Variants in CGA observed in about 807,000 individuals in gnomAD.
CGA encodes glycoprotein hormones, alpha polypeptide, also known as glycoprotein hormones alpha chain.
In CGA, 4 loss-of-function variants were observed where a neutral mutation model predicts 12.0. That is an observed-to-expected ratio of 0.33 (90% CI 0.16 to 0.76). The LOEUF (loss-of-function observed/expected upper bound fraction) is 0.76, where lower values mean the gene tolerates loss of function less well. CGA is among the 30% of genes least tolerant of loss of function. The probability of loss-of-function intolerance (pLI) is 0.60; values close to 1 mark genes in which losing one functional copy is unlikely to be tolerated. For missense variants in CGA, 102 were observed against 143.5 expected (o/e 0.71, Z 1.48); for synonymous variants, 60 against 56.6 (o/e 1.06, Z -0.27).
intron 2 of CGA, 108 bp from the exon 3 acceptor site, chr6:87,086,542 C>G: frequency 9.6e-7 from 1 of 1,045,128 alleles, no homozygotes; most frequent in African/African-American, 1.6e-5. Context: ...TTTGGGAGGC[C>G]TTAGTGGGTG....
At chr6:87,085,875 T>C in intron 3 of CGA, 42 bp from the exon 4 acceptor site, 2 of 1,233,198 alleles carry the variant, frequency 1.6e-6, no homozygotes, top group Non-Finnish European at 1.2e-6. Flanking sequence ...GATTAGATGA[T>C]AGATAGATAG....
Position 87,088,189 on chromosome 6 carries a change from G to A in CGA, c.12C>T (p.Tyr4=), listed in dbSNP as rs1290919830. The change falls in exon 2 of 4, where the codon TAC becomes TAT. Residue 4 remains tyrosine (Y), a synonymous_variant. Transcript: ENST00000627148. ...CCAGAAAGATAGCTGCATATTTTCT[G>A]TAGTAATCCATGGCGCTCCTGCAGA... MDY[Y]RKYAAIFLVT... 6 of 1,499,950 alleles carry A rather than the reference G, an allele frequency of 4.0e-6. No homozygotes were observed. Among genetic ancestry groups the A allele is most frequent in the Non-Finnish European group, 5.4e-6 (6 of 1,106,984 alleles). 92.9% of individuals were successfully genotyped at this position (1,499,950 alleles called of 1,614,324 possible).
rs535291972 is a variant in CGA, at chr6:87,085,963, C to T, written c.274-130G>A. 7.9e-5 allele frequency: 58 copies of T among 737,224 alleles called. No individual in the cohort carries two copies. The East Asian group carries it at 1.6e-3, about 20-fold the overall frequency. 45.7% of individuals were successfully genotyped at this position (737,224 alleles called of 1,614,324 possible). The stretch of plus-strand genomic sequence containing the variant: ...TAAGTAGATGCATACTACATTTGCA[C>T]AGTCTCCTTTTTAGGAAATATTTTT... On this transcript the variant is annotated intron_variant, in intron 3 of 3. Transcript: ENST00000627148.
intron 1 of CGA, among the ~76,000 whole-genome samples, chr6:87,092,902 C>G (rs1021225130): frequency 2.0e-4 from 31 of 151,948 alleles, no homozygotes; most frequent in African/African-American, 7.3e-4. Context: ...AGTGTGCCAG[C>G]AAGCCCGGCT....
intron 1 of CGA, among the ~76,000 whole-genome samples, chr6:87,088,678 T>C (rs905703964): frequency 6.6e-6 from 1 of 152,040 alleles, no homozygotes; most frequent in African/African-American, 2.4e-5. Context: ...ATTAAGGAAA[T>C]GCAAATTAAA....
In CGA at chr6:87,093,340, T is replaced by C. The variant is rs565799156; in HGVS notation, c.-8+1673A>G. 2.6e-5 allele frequency among the ~76,000 whole-genome samples: 4 copies of C among 152,334 alleles called. No individual in the cohort carries two copies. In the South Asian group the frequency reaches 8.3e-4, roughly 32 times the overall value. Reference sequence around the variant, plus strand: ...TCTAATTTGATTTCTAACATTGTTATTGATTCTACCCCTAAGTGCCCCACC... The same window carrying C: ...TCTAATTTGATTTCTAACATTGTTACTGATTCTACCCCTAAGTGCCCCACC... On this transcript the variant is annotated intron_variant, in intron 1 of 3. Coordinates refer to ENST00000627148, the MANE Select transcript of CGA (RefSeq NM_000735.4).
At chr6:87,085,908 T>C (rs746839263) in intron 3 of CGA, 75 bp from the exon 4 acceptor site, 39 of 1,015,724 alleles carry the variant, frequency 3.8e-5, no homozygotes, top group Non-Finnish European at 5.8e-5. Context: ...TTGAAGAATA[T>C]TACATAAAAT....
intron 1 of CGA, among the ~76,000 whole-genome samples, chr6:87,092,414 G>T (rs538715032): frequency 6.0e-4 from 92 of 152,190 alleles, no homozygotes; most frequent in African/African-American, 2.1e-3. Context: ...CTTAGAAGCC[G>T]AGGTGGGAGG....
Position 87,086,307 on chromosome 6 carries a change from C to T in CGA, c.216G>A (p.Leu72=). The part of the protein sequence containing the change: ...PTPLRSKKTM[L]VQKNVTSEST... ...ACTCTGAGGTGACGTTCTTTTGGAC[C>T]AACATCGTCTTCTTGGACCTTAGTG... Residue 72 remains leucine, a synonymous_variant, in exon 3 of 4, where the codon TTG becomes TTA. Coordinates refer to ENST00000627148, the MANE Select transcript of CGA (RefSeq NM_000735.4). The T allele has an allele frequency of 6.2e-7, 1 of 1,613,978 alleles. No homozygotes were observed. Among genetic ancestry groups the T allele is most frequent in the Non-Finnish European group, 8.5e-7 (1 of 1,179,978 alleles).
rs771573898 is a variant in CGA, at chr6:87,088,108, C to T, written c.88+5G>A. 6 of 1,583,510 alleles carry T rather than the reference C, an allele frequency of 3.8e-6. No individual in the cohort carries two copies. The highest frequency in any genetic ancestry group is 1.2e-5 in the South Asian group (1 of 86,894). On this transcript the variant is annotated splice_donor_5th_base_variant and intron_variant, in intron 2 of 3. Transcript: ENST00000627148. ...ATTACTTGAACCACAAATTTGGTCA[C>T]GCACCCTGCACATCAGGAGCGGAAT... is the stretch of plus-strand genomic sequence containing the variant.
chr6:87,088,958 A>G (rs1046077760), intron 1 of CGA: 2 of 152,216 alleles, frequency 1.3e-5, no homozygotes, highest in Non-Finnish European at 2.9e-5. Flanking sequence ...TATTCATAGA[A>G]ACTTTGTTTA....
rs147883019 is a variant in CGA, at chr6:87,090,637, A to ATTTTTTTTTTTTTTTTTTTTTTTTTTTT, written c.-7-2431_-7-2430insAAAAAAAAAAAAAAAAAAAAAAAAAAAA. Among the ~76,000 whole-genome samples the ATTTTTTTTTTTTTTTTTTTTTTTTTTTT allele has an allele frequency of 1.0e-4, 13 of 124,832 alleles. 1 individual carries two copies. The highest frequency in any genetic ancestry group is 1.3e-4 in the Non-Finnish European group (8 of 59,660). The allele number at this position is 124,832 out of a possible 152,430, so 81.9% of individuals were successfully genotyped here. A position where few individuals can be genotyped will look rare whatever the true frequency, so the allele number is the denominator to read the frequency against. On this transcript the variant is annotated intron_variant, in intron 1 of 3. Coordinates refer to ENST00000627148, the MANE Select transcript of CGA (RefSeq NM_000735.4). ...TAGAAGCTCTTTGGGCTCTTCAATA[A>ATTTTTTTTTTTTTTTTTTTTTTTTTTTT]TTTTTTTTTTGTTTTTTTGAGATTG...
chr6:87,094,866 A>T lies in CGA; in HGVS notation c.-8+147T>A, dbSNP rs1175047810. On this transcript the variant is annotated intron_variant, in intron 1 of 3. Transcript: ENST00000627148. ...GCCAAATTTTACAGACTTCCTTCTAATTCAATCATAAGTGCTGAAAAGAGA... is the reference window on the plus strand; with the variant it reads ...GCCAAATTTTACAGACTTCCTTCTATTTCAATCATAAGTGCTGAAAAGAGA... 3 of 152,176 alleles carry T rather than the reference A, an allele frequency of 2.0e-5. No individual in the cohort carries two copies. In the East Asian group the frequency reaches 5.8e-4, roughly 29 times the overall value. 9.4% of individuals were successfully genotyped at this position (152,176 alleles called of 1,614,324 possible).
In CGA at chr6:87,086,239, G is replaced by C; in HGVS notation, c.273+11C>G. On this transcript the variant is annotated intron_variant, in intron 3 of 3. Transcript: ENST00000627148. ...CTGTTAGAAAGCTTCTGGGGATCTT[G>C]AGGTTCTTACCCTGTTATATGATTT... The C allele has an allele frequency of 6.2e-7, 1 of 1,600,948 alleles. No homozygotes were observed. The highest frequency in any genetic ancestry group is 8.5e-7 in the Non-Finnish European group (1 of 1,174,628).
At chr6:87,091,838 C>G (rs960144420) in intron 1 of CGA, among the ~76,000 whole-genome samples, 1 of 152,182 alleles carries the variant, frequency 6.6e-6, no homozygotes, top group Non-Finnish European at 1.5e-5. Flanking sequence ...GCTTATAATT[C>G]TTAGATGATG....
chr6:87,086,342 A>G lies in CGA; in HGVS notation c.181T>C (p.Tyr61His), dbSNP rs1769323537. The part of the protein sequence containing the change: ...QCMGCCFSRA[Y>H]PTPLRSKKTM... ...TTCTTGGACCTTAGTGGAGTGGGATATGCTCTAGAGAAGCAGCAGCCCATG... is the reference window on the plus strand; with the variant it reads ...TTCTTGGACCTTAGTGGAGTGGGATGTGCTCTAGAGAAGCAGCAGCCCATG... Residue 61 changes from tyrosine to histidine, a missense_variant, in exon 3 of 4, where the codon TAT becomes CAT. Tyr to His is a moderately conservative substitution (Grantham distance 83). Transcript: ENST00000627148. 6.2e-7 allele frequency: 1 copy of G among 1,613,948 alleles called. No homozygotes were observed. Among genetic ancestry groups the G allele is most frequent in the Non-Finnish European group, 8.5e-7 (1 of 1,180,000 alleles).
chr6:87,086,035 T>C, intron 3 of CGA: 1 of 648,868 alleles, frequency 1.5e-6, no homozygotes, highest in Non-Finnish European at 2.7e-6. Flanking sequence ...TTGTCACCTC[T>C]ACCCCTATTC....
Position 87,087,065 on chromosome 6 carries a change from C to T in CGA, c.89-631G>A, listed in dbSNP as rs192981823. On this transcript the variant is annotated intron_variant, in intron 2 of 3. Transcript: ENST00000627148. Reference sequence around the variant, plus strand: ...TTGCACTCCAGCCTGGGTGATAGAACGAGACTCTGTCTCAAAAGAAAAGGC... The same window carrying T: ...TTGCACTCCAGCCTGGGTGATAGAATGAGACTCTGTCTCAAAAGAAAAGGC... Among the ~76,000 whole-genome samples, 496 of 152,132 alleles carry T rather than the reference C, an allele frequency of 3.3e-3. 3 individuals carry two copies. The highest frequency in any genetic ancestry group is 5.9e-3 in the Non-Finnish European group (398 of 68,010).
chr6:87,091,130 A>G (rs1769425850), intron 1 of CGA, among the ~76,000 whole-genome samples: 2 of 152,226 alleles, frequency 1.3e-5, no homozygotes, highest in Non-Finnish European at 2.9e-5. Context: ...GTGAACAACT[A>G]TATCAGAATT....
Sources: gnomAD v4.1 joint callset for allele counts (sites outside exome capture counted in the v4.1 genomes callset) on GRCh38, gnomAD v4.1.1 for gene constraint, MANE v1.5 for transcripts, NCBI Gene and HGNC (gene_info 2026-07-23, HGNC 2026-07-21) for gene names.